Variants in HSD17B3 observed in about 807,000 individuals in gnomAD.
HSD17B3 encodes the protein hydroxysteroid 17-beta dehydrogenase 3.
HSD17B3 carries 29 observed loss-of-function variants against 41.1 expected under a neutral mutation model. That is an observed-to-expected ratio of 0.71 (90% CI 0.53 to 0.96). The LOEUF (loss-of-function observed/expected upper bound fraction) is 0.96. HSD17B3 is among the 40% of genes least tolerant of loss of function. HSD17B3 has a pLI of 0.00. For missense variants in HSD17B3, 323 were observed against 374.6 expected, an observed-to-expected ratio of 0.86 and a Z score of 1.14; for synonymous variants, 126 against 145.6, an observed-to-expected ratio of 0.87 and a Z score of 0.97.
intron 2 of HSD17B3, among the ~76,000 whole-genome samples, chr9:96,293,039 G>C (rs1046774843): frequency 6.6e-6 from 1 of 152,030 alleles, no homozygotes; most frequent in African/African-American, 2.4e-5. Context: ...AATAGCTAAA[G>C]GAAATTCTAT....
chr9:96,248,907 A>T (rs866048240), intron 6 of HSD17B3, among the ~76,000 whole-genome samples: 1,504 of 142,238 alleles, frequency 0.011, 28 homozygotes, highest in African/African-American at 0.035. Flanking sequence ...ATCCACAGCC[A>T]TTTTTTTTTT....
chr9:96,266,318 G>A (rs572691967), intron 2 of HSD17B3, among the ~76,000 whole-genome samples: 2 of 152,276 alleles, frequency 1.3e-5, no homozygotes, highest in South Asian at 4.1e-4. Context: ...TGTTACCCAG[G>A]CTGTAGTGCA....
intron 2 of HSD17B3, among the ~76,000 whole-genome samples, chr9:96,256,499 TAAAC>T (rs961385321): frequency 6.6e-6 from 1 of 151,520 alleles, no homozygotes; most frequent in African/African-American, 2.4e-5. Flanking sequence ...AAAATAAAAA[TAAAC>T]AAATAAATAA....
intron 5 of HSD17B3, chr9:96,250,025 G>A (rs1423724666): frequency 6.3e-6 from 9 of 1,430,110 alleles, no homozygotes; most frequent in Non-Finnish European, 8.2e-6. Flanking sequence ...TCAATTAAGA[G>A]TTTCCTGGAA....
chr9:96,241,961 A>AAAGAAAG (rs1836458611), intron 9 of HSD17B3, among the ~76,000 whole-genome samples: 3 of 100,696 alleles, frequency 3.0e-5, no homozygotes, highest in African/African-American at 1.2e-4. Context: ...AAAGAACAGA[A>AAAGAAAG]AAAGAAAGAA....
At chr9:96,296,437 GC>G in intron 2 of HSD17B3, among the ~76,000 whole-genome samples, 1 of 152,216 alleles carries the variant, frequency 6.6e-6, no homozygotes, top group East Asian at 1.9e-4. Flanking sequence ...GCTTGCTTAG[GC>G]CACTCAGCTT....
Position 96,240,874 on chromosome 9 carries a change from T to C in HSD17B3, c.706A>G (p.Thr236Ala). 3 of 1,614,200 alleles carry C rather than the reference T, an allele frequency of 1.9e-6. No individual in the cohort carries two copies. Among genetic ancestry groups the C allele is most frequent in the Non-Finnish European group, 2.5e-6 (3 of 1,180,016 alleles). Residue 236 changes from threonine (T) to alanine (A), a missense_variant, in exon 10 of 11, where the codon ACA (threonine) becomes GCA (alanine). By Grantham distance (58) the Thr-to-Ala change is moderately conservative. Transcript: ENST00000375263. ...ATCACATTTGTATTTAGATACTTTG[T>C]CATTGCAGTCGAGACAGCATATGGG... Reference protein sequence around the residue: ...LTPYAVSTAMTKYLNTNVITK... With the variant: ...LTPYAVSTAMAKYLNTNVITK...
intron 3 of HSD17B3, among the ~76,000 whole-genome samples, chr9:96,254,320 G>A (rs1182349660): frequency 6.6e-6 from 1 of 152,196 alleles, no homozygotes; most frequent in Admixed American, 6.5e-5. Flanking sequence ...ACATGGGGAA[G>A]GGAAGTCCCA....
intron 2 of HSD17B3, among the ~76,000 whole-genome samples, chr9:96,256,946 A>G (rs1825685693): frequency 1.3e-5 from 2 of 152,072 alleles, no homozygotes; most frequent in South Asian, 4.1e-4. Flanking sequence ...ACCATCCCCC[A>G]GGTGCTGTCG....
At chr9:96,242,603 G>A (rs1836499555) in intron 9 of HSD17B3, among the ~76,000 whole-genome samples, 1 of 152,120 alleles carries the variant, frequency 6.6e-6, no homozygotes, top group African/African-American at 2.4e-5. Flanking sequence ...TGTTCGGAGA[G>A]GCCAATTGGT....
At position 96,252,553 on chromosome 9, in the gene HSD17B3, A is replaced by G. The variant is rs1015047776; in HGVS notation, c.385+250T>C. Among the ~76,000 whole-genome samples the G allele has an allele frequency of 2.0e-5, 3 of 151,952 alleles. No homozygotes were observed. The East Asian group carries it at 5.8e-4, about 29-fold the overall frequency. On this transcript the variant is annotated intron_variant, in intron 4 of 10. Transcript: ENST00000375263. ...GCGAGACTGCATCTCAAAAAAAAAA[A>G]AAAAAGAAAAGAAAATATAGTTGGG... is the stretch of plus-strand genomic sequence containing the variant.
Position 96,254,904 on chromosome 9 carries a change from T to C in HSD17B3, c.241A>G (p.Thr81Ala). The change falls in exon 3 of 11, where the codon ACG becomes GCG. Residue 81 changes from threonine (T) to alanine (A), a missense_variant. Thr to Ala is a moderately conservative substitution (Grantham distance 58). Coordinates refer to ENST00000375263, the MANE Select transcript of HSD17B3 (RefSeq NM_000197.2). ...RGLNVVLISR[T>A]LEKLEAIATE... ...GCAATGGCCTCTAGTTTTTCCAGCG[T>C]CCGGCTAATAAGGACAACATTGAGT... is the stretch of plus-strand genomic sequence containing the variant. 1.9e-6 allele frequency: 3 copies of C among 1,614,092 alleles called. No individual in the cohort carries two copies. Among genetic ancestry groups the C allele is most frequent in the Non-Finnish European group, 2.5e-6 (3 of 1,179,994 alleles).
intron 2 of HSD17B3, among the ~76,000 whole-genome samples, chr9:96,267,406 C>T (rs185272674): frequency 7.2e-5 from 11 of 152,152 alleles, no homozygotes; most frequent in African/African-American, 2.6e-4. Flanking sequence ...GATCCACCCA[C>T]CTCGGCCTCC....
rs1396372634 is a variant in HSD17B3 at position 96,235,590 on chromosome 9, C to T, written c.823-20G>A. 1 of 1,596,462 alleles carries T rather than the reference C, an allele frequency of 6.3e-7. No homozygotes were observed. The highest frequency in any genetic ancestry group is 1.7e-5 in the Admixed American group (1 of 59,716). On this transcript the variant is annotated intron_variant, in intron 10 of 10. Transcript: ENST00000375263. Reference sequence around the variant, plus strand: ...GCCCGCCTTAAACAGAGAGAAGCATCAGTGTTGGGGAGGAAGGAATAACAA... The same window carrying T: ...GCCCGCCTTAAACAGAGAGAAGCATTAGTGTTGGGGAGGAAGGAATAACAA...
intron 2 of HSD17B3, among the ~76,000 whole-genome samples, chr9:96,292,672 T>C (rs1410884897): frequency 6.6e-6 from 1 of 152,148 alleles, no homozygotes; most frequent in African/African-American, 2.4e-5. Context: ...GATGTAAACC[T>C]ACAGATTCAA....
chr9:96,238,643 C>A (rs1587707886), intron 10 of HSD17B3, among the ~76,000 whole-genome samples: 1 of 151,992 alleles, frequency 6.6e-6, no homozygotes, highest in African/African-American at 2.4e-5. Flanking sequence ...GCCCGGGCAA[C>A]AGCGAGACTC....
chr9:96,263,237 AAGG>A, intron 2 of HSD17B3, among the ~76,000 whole-genome samples: 1 of 152,294 alleles, frequency 6.6e-6, no homozygotes, highest in South Asian at 2.1e-4. Flanking sequence ...TGCAAAATTT[AAGG>A]AGGTGCTCTT....
intron 2 of HSD17B3, among the ~76,000 whole-genome samples, chr9:96,273,143 C>G (rs1016172014): frequency 1.3e-5 from 2 of 152,112 alleles, no homozygotes; most frequent in Non-Finnish European, 2.9e-5. Context: ...TATATCAATG[C>G]CCAGAACCTG....
rs543710379 is a variant in HSD17B3 at position 96,295,964 on chromosome 9, C to T, written c.201+2452G>A. Among the ~76,000 whole-genome samples, 14 of 152,084 alleles carry T rather than the reference C, an allele frequency of 9.2e-5. No homozygotes were observed. The South Asian group carries it at 2.9e-3, about 32-fold the overall frequency. On this transcript the variant is annotated intron_variant, in intron 2 of 10. Transcript: ENST00000375263. Reference sequence around the variant, plus strand: ...ATTAATGTCCTTATGGGAAGAAACACCAGGCCAGGCATGGTGGCTCATGTC... The same window carrying T: ...ATTAATGTCCTTATGGGAAGAAACATCAGGCCAGGCATGGTGGCTCATGTC...
Sources: allele counts gnomAD v4.1 joint callset (sites outside exome capture counted in the v4.1 genomes callset), GRCh38; gene constraint gnomAD v4.1.1; transcripts MANE v1.5; gene names NCBI Gene and HGNC (gene_info 2026-07-23, HGNC 2026-07-21).